The following AFG1L variants were observed in gnomAD, a reference collection of about 807,000 sequenced individuals.
AFG1L encodes AFG1-like ATPase.
Under a neutral mutation model 62.2 loss-of-function variants are expected in AFG1L, and 53 were observed. That is an observed-to-expected ratio of 0.85 (90% confidence interval 0.68 to 1.07). AFG1L has a LOEUF of 1.07. Ranked by LOEUF, AFG1L falls within the 50% of genes least tolerant of loss-of-function variation. AFG1L has a pLI of 0.00. For missense variants in AFG1L, 555 were observed against 590.5 expected (o/e 0.94, Z 0.62); for synonymous variants, 228 against 210.3 (o/e 1.08, Z -0.73).
intron 6 of AFG1L, among the ~76,000 whole-genome samples, chr6:108,380,672 G>A (rs1780465279): frequency 6.6e-6 from 1 of 152,166 alleles, no homozygotes; most frequent in South Asian, 2.1e-4. Context: ...CCAAAGAATG[G>A]CCGAGATTAA....
At chr6:108,447,331 A>T in intron 8 of AFG1L, 35 bp downstream of exon 8, 1 of 1,176,356 alleles carries the variant, frequency 8.5e-7, no homozygotes, top group Non-Finnish European at 1.3e-6. Flanking sequence ...TTAATGTCTA[A>T]TCGTTAATCA....
At chr6:108,425,470 A>G (rs1354410944) in intron 7 of AFG1L, among the ~76,000 whole-genome samples, 1 of 151,972 alleles carries the variant, frequency 6.6e-6, no homozygotes, top group African/African-American at 2.4e-5. Context: ...CTCTTTAGAA[A>G]CACTTATCCC....
chr6:108,318,266 A>G, intron 1 of AFG1L: 2 of 315,256 alleles, frequency 6.3e-6, no homozygotes, highest in Non-Finnish European at 1.2e-5. Context: ...TTCCAGAAAA[A>G]GGCTAAAACA....
chr6:108,316,380 CAAAAAAAAAA>C (rs768461563), intron 1 of AFG1L, among the ~76,000 whole-genome samples: 1 of 18,842 alleles, frequency 5.3e-5, no homozygotes, highest in Non-Finnish European at 1.2e-4. Flanking sequence ...GACTCCGTCT[CAAAAAAAAAA>C]AAAAAAAAAA....
At chr6:108,368,453 C>T (rs1779851540) in intron 6 of AFG1L, among the ~76,000 whole-genome samples, 1 of 152,106 alleles carries the variant, frequency 6.6e-6, no homozygotes, top group African/African-American at 2.4e-5. Flanking sequence ...TATAGTCATA[C>T]CTCATCCATT....
chr6:108,329,940 A>G (rs1198535623), intron 2 of AFG1L, among the ~76,000 whole-genome samples: 1 of 152,078 alleles, frequency 6.6e-6, no homozygotes, highest in Non-Finnish European at 1.5e-5. Context: ...TCATGAATGG[A>G]TTAGTCCATT....
intron 10 of AFG1L, among the ~76,000 whole-genome samples, chr6:108,478,112 T>C (rs776992917): frequency 9.8e-5 from 15 of 152,344 alleles, no homozygotes; most frequent in South Asian, 2.1e-4. Context: ...AAAATACTTA[T>C]ACCTGCGGCC....
At chr6:108,485,986 A>T (rs542224369) in intron 10 of AFG1L, among the ~76,000 whole-genome samples, 9 of 151,976 alleles carry the variant, frequency 5.9e-5, no homozygotes, top group Admixed American at 2.0e-4. Flanking sequence ...TTAATTTTTT[A>T]AAAATAGAAT....
intron 7 of AFG1L, among the ~76,000 whole-genome samples, chr6:108,442,805 T>C (rs186121406): frequency 1.3e-5 from 2 of 152,288 alleles, no homozygotes; most frequent in African/African-American, 2.4e-5. Flanking sequence ...CACTGAAAGT[T>C]CTATATCCAG....
chr6:108,340,627 A>G (rs1185318638), intron 2 of AFG1L, among the ~76,000 whole-genome samples: 3 of 152,092 alleles, frequency 2.0e-5, no homozygotes, highest in East Asian at 3.9e-4. Flanking sequence ...AGCCTCCCAA[A>G]GTGCTGGGAT....
intron 8 of AFG1L, among the ~76,000 whole-genome samples, chr6:108,475,697 G>T (rs533881852): frequency 6.6e-6 from 1 of 152,094 alleles, no homozygotes; most frequent in Non-Finnish European, 1.5e-5. Context: ...GAGGTGGAGT[G>T]GTTATTACTT....
chr6:108,522,229 C>G, intron 12 of AFG1L, 68 bp from the exon 13 acceptor site: 1 of 1,509,484 alleles, frequency 6.6e-7, no homozygotes, highest in Non-Finnish European at 9.0e-7. Context: ...TTTTTTTAAA[C>G]CTATACTTAG....
intron 6 of AFG1L, among the ~76,000 whole-genome samples, chr6:108,399,662 T>C (rs996176906): frequency 1.3e-5 from 2 of 149,858 alleles, no homozygotes; most frequent in African/African-American, 4.9e-5. Flanking sequence ...TTATCAGTTC[T>C]AATAGTTTTC....
At chr6:108,456,833 C>A (rs952793444) in intron 8 of AFG1L, among the ~76,000 whole-genome samples, 18 of 152,012 alleles carry the variant, frequency 1.2e-4, no homozygotes, top group Non-Finnish European at 2.1e-4. Context: ...TTTATTGTAT[C>A]TTTTCTATGT....
At chr6:108,420,365 AATTT>A (rs1206805042) in intron 7 of AFG1L, among the ~76,000 whole-genome samples, 2 of 149,146 alleles carry the variant, frequency 1.3e-5, no homozygotes, top group African/African-American at 2.4e-5. Flanking sequence ...TATTTTATTA[AATTT>A]ATTTAATTTA....
chr6:108,376,782 A>G (rs1035272086), intron 6 of AFG1L, among the ~76,000 whole-genome samples: 8 of 152,074 alleles, frequency 5.3e-5, no homozygotes, highest in Non-Finnish European at 1.2e-4. Flanking sequence ...TATTAGTCCA[A>G]TTGGTCAACT....
chr6:108,395,482 G>T (rs9486873), intron 6 of AFG1L, among the ~76,000 whole-genome samples: 52,062 of 144,966 alleles, frequency 0.36, 9,599 homozygotes, highest in Middle Eastern at 0.44. Context: ...ACTCACTGCA[G>T]TCTCAACCTC....
intron 6 of AFG1L, 22 bp downstream of exon 6, chr6:108,366,354 G>A (rs1277243380): frequency 1.4e-6 from 2 of 1,477,008 alleles, no homozygotes; most frequent in Admixed American, 1.7e-5. Context: ...CATTGTGCTA[G>A]TCTCATCCAA....
At chr6:108,441,908 T>C (rs1256891001) in intron 7 of AFG1L, among the ~76,000 whole-genome samples, 1 of 151,942 alleles carries the variant, frequency 6.6e-6, no homozygotes, top group Non-Finnish European at 1.5e-5. Flanking sequence ...GAAAGAGAAA[T>C]TGAAGCTGTA....
Sources: gnomAD v4.1 joint callset for allele counts (sites outside exome capture counted in the v4.1 genomes callset) on GRCh38, gnomAD v4.1.1 for gene constraint, MANE v1.5 for transcripts, NCBI Gene and HGNC (gene_info 2026-07-23, HGNC 2026-07-21) for gene names.